The following CHD2 variants were observed in gnomAD, a reference collection of about 807,000 sequenced individuals.
The protein encoded by CHD2 is chromodomain helicase DNA binding protein 2.
A neutral mutation model predicts 243.9 loss-of-function variants in CHD2; 28 were observed. The observed-to-expected ratio is 0.11, with a 90% CI of 0.09 to 0.16. The LOEUF is 0.16. Ranked by LOEUF, CHD2 falls within the 10% of genes least tolerant of loss-of-function variation. The pLI, the probability that CHD2 is intolerant of heterozygous loss-of-function variation, is 1.00. For synonymous variants in CHD2, 775 were observed against 779.0 expected (o/e 0.99, Z 0.09); for missense variants, 1,386 against 2,209.8 (o/e 0.63, Z 7.47).
chr15:93,023,585 G>A (rs1457258725), intron 38 of CHD2, among the ~76,000 whole-genome samples: 1 of 151,862 alleles, frequency 6.6e-6, no homozygotes. Context: ...ATGTTTCTAC[G>A]ATGGCTGAAC....
chr15:93,003,386 C>G (rs2054281713), intron 33 of CHD2, among the ~76,000 whole-genome samples: 1 of 151,424 alleles, frequency 6.6e-6, no homozygotes, highest in Admixed American at 6.6e-5. Flanking sequence ...GAAATACTTT[C>G]TAATTTTTGA....
chr15:92,907,322 TCAA>T (rs1409014645), intron 2 of CHD2, among the ~76,000 whole-genome samples: 2 of 152,240 alleles, frequency 1.3e-5, no homozygotes, highest in Non-Finnish European at 2.9e-5. Flanking sequence ...GTTTGGTATT[TCAA>T]CATGTTCTGG....
rs2141773476 is a variant in CHD2, at chr15:92,937,551, A to G, written c.477A>G (p.Glu159=). Residue 159 remains glutamate (E), a synonymous_variant, in exon 6 of 39, where the codon GAA becomes GAG. Transcript: ENST00000394196. ...GGAAACAGGAACCCTCAGAAGATGA[A>G]CAGGAACAAGGCACCAGTGCAGAGA... The part of the protein sequence containing the change: ...EKWKQEPSED[E]QEQGTSAESE... 6.2e-7 allele frequency: 1 copy of G among 1,613,300 alleles called. No individual in the cohort carries two copies. Among genetic ancestry groups the G allele is most frequent in the East Asian group, 2.2e-5 (1 of 44,854 alleles).
At chr15:92,937,484 G>GA (rs2053285558) in intron 5 of CHD2, 34 bp from the exon 6 acceptor site, 6 of 1,493,970 alleles carry the variant, frequency 4.0e-6, no homozygotes, top group East Asian at 2.4e-5. Context: ...GATTCTTTTA[G>GA]AAAAAAATTA....
At chr15:92,971,587 A>C (rs1383444493) in intron 17 of CHD2, among the ~76,000 whole-genome samples, 178 bp from the exon 18 acceptor site, 1 of 152,194 alleles carries the variant, frequency 6.6e-6, no homozygotes, top group African/African-American at 2.4e-5. Flanking sequence ...CTGACTGGAG[A>C]TGTGAAAGAT....
chr15:92,939,864 T>G, intron 7 of CHD2, 146 bp downstream of exon 7: 1 of 890,422 alleles, frequency 1.1e-6, no homozygotes, highest in Non-Finnish European at 1.7e-6. Context: ...TCTGGTTAGC[T>G]TTCTTGCAAA....
At chr15:92,924,577 A>C (rs1263988707) in intron 3 of CHD2, 25 bp downstream of exon 3, 1 of 1,584,098 alleles carries the variant, frequency 6.3e-7, no homozygotes, top group Non-Finnish European at 8.7e-7. Flanking sequence ...CTGCAGTACA[A>C]ATGTGCTGCT....
chr15:92,936,156 A>C (rs1479754212), intron 5 of CHD2, among the ~76,000 whole-genome samples: 1 of 152,112 alleles, frequency 6.6e-6, no homozygotes, highest in Non-Finnish European at 1.5e-5. Context: ...TAAGGTCTCC[A>C]CCAATTCAGG....
At chr15:92,970,512 A>G (rs2053827498) in intron 17 of CHD2, among the ~76,000 whole-genome samples, 3 of 152,076 alleles carry the variant, frequency 2.0e-5, no homozygotes, top group African/African-American at 4.8e-5. Flanking sequence ...CATAATTATT[A>G]TTATTTTTTA....
intron 19 of CHD2, 38 bp downstream of exon 19, chr15:92,972,455 T>C (rs1399188816): frequency 1.3e-6 from 2 of 1,537,344 alleles, no homozygotes; most frequent in African/African-American, 2.8e-5. Context: ...GGGGAATCAA[T>C]CTCTCTCTCC....
Position 92,985,608 on chromosome 15 carries a change from C to T in CHD2, c.3348C>T (p.Arg1116=). The change falls in exon 26 of 39, where the codon CGC becomes CGT. Residue 1116 remains arginine (R), a synonymous_variant. Coordinates refer to ENST00000394196, the MANE Select transcript of CHD2 (RefSeq NM_001271.4). ...EDSDDDKKPK[R]RGRPRSVRKD... is the part of the protein sequence containing the mutation. ...CTGATGATGACAAGAAGCCAAAGCG[C>T]AGAGGGCGTCCGAGGAGTGTGCGGA... 1.2e-6 allele frequency: 2 copies of T among 1,613,988 alleles called. No individual in the cohort carries two copies. Among genetic ancestry groups the T allele is most frequent in the Non-Finnish European group, 1.7e-6 (2 of 1,180,008 alleles).
chr15:92,991,471 C>T lies in CHD2; in HGVS notation c.3414-5C>T. On this transcript the variant is annotated splice_polypyrimidine_tract_variant and splice_region_variant and intron_variant, in intron 26 of 38. Coordinates refer to ENST00000394196, the MANE Select transcript of CHD2 (RefSeq NM_001271.4). ...TTTAATATGTTTTATTGATCCTATT[C>T]TTAGGTTCATCAAGGCTTATAAGAA... 1 of 1,598,948 alleles carries T rather than the reference C, an allele frequency of 6.3e-7. No individual in the cohort carries two copies. The highest frequency in any genetic ancestry group is 8.6e-7 in the Non-Finnish European group (1 of 1,168,702).
intron 2 of CHD2, among the ~76,000 whole-genome samples, chr15:92,916,592 T>TG (rs2052841072): frequency 6.6e-6 from 1 of 152,208 alleles, no homozygotes; most frequent in South Asian, 2.1e-4. Flanking sequence ...CTCACCCTGT[T>TG]GCTCAGGCTG....
At chr15:93,005,281 ATGT>A (rs2054306138) in intron 34 of CHD2, among the ~76,000 whole-genome samples, 2 of 152,106 alleles carry the variant, frequency 1.3e-5, no homozygotes, top group Admixed American at 1.3e-4. Flanking sequence ...TAAGGAAGTG[ATGT>A]TTGAGTTGGG....
Position 92,929,395 on chromosome 15 carries a change from G to T in CHD2, c.443+304G>T, listed in dbSNP as rs757361410. Among the ~76,000 whole-genome samples the T allele has an allele frequency of 2.4e-4, 37 of 152,160 alleles. 1 individual carries two copies. Among genetic ancestry groups the T allele is most frequent in the Admixed American group, 2.4e-3 (37 of 15,280 alleles). ...CCATTGATTTTTTTCAGAAAAATATGTATAAATAACAAGTACACAGGTATT... is the reference window on the plus strand; with the variant it reads ...CCATTGATTTTTTTCAGAAAAATATTTATAAATAACAAGTACACAGGTATT... On this transcript the variant is annotated intron_variant, in intron 5 of 38. Transcript: ENST00000394196.
intron 28 of CHD2, among the ~76,000 whole-genome samples, chr15:92,993,395 GGATT>G (rs758792688): frequency 3.3e-5 from 5 of 152,276 alleles, no homozygotes; most frequent in South Asian, 4.1e-4. Context: ...CAAACACAAA[GGATT>G]TAGAGAATTA....
At chr15:92,917,994 C>A (rs910151104) in intron 2 of CHD2, among the ~76,000 whole-genome samples, 1 of 152,216 alleles carries the variant, frequency 6.6e-6, no homozygotes, top group Non-Finnish European at 1.5e-5. Context: ...CACAAAAACA[C>A]TAAGCTCTGC....
At chr15:92,935,776 G>A (rs1459618834) in intron 5 of CHD2, among the ~76,000 whole-genome samples, 1 of 151,920 alleles carries the variant, frequency 6.6e-6, no homozygotes, top group African/African-American at 2.4e-5. Flanking sequence ...ACTATGCTCC[G>A]GGGAAGCAGA....
intron 2 of CHD2, among the ~76,000 whole-genome samples, chr15:92,903,242 C>G (rs4146836): frequency 0.44 from 67,272 of 151,998 alleles, 15,154 homozygotes; most frequent in Admixed American, 0.49. Context: ...ATTACTTCTA[C>G]TGAGCTGAAC....
Sources: allele counts gnomAD v4.1 joint callset (sites outside exome capture counted in the v4.1 genomes callset), GRCh38; gene constraint gnomAD v4.1.1; transcripts MANE v1.5; gene names NCBI Gene and HGNC (gene_info 2026-07-23, HGNC 2026-07-21).